The following UGT2B17 variants were observed in gnomAD, a reference collection of about 807,000 sequenced individuals.
UGT2B17 encodes the protein UDP-glucuronosyltransferase 2B17.
In UGT2B17, 21 loss-of-function variants were observed where a neutral mutation model predicts 48.2. That is an observed-to-expected ratio of 0.44 (90% CI 0.31 to 0.63). The LOEUF is 0.63. Ranked by LOEUF, UGT2B17 falls within the 20% of genes least tolerant of loss-of-function variation. The probability of loss-of-function intolerance (pLI) is 0.08; values close to 1 mark genes in which losing one functional copy is unlikely to be tolerated. For synonymous variants in UGT2B17, 146 were observed against 238.4 expected (o/e 0.61, Z 3.57); for missense variants, 402 against 696.1 (o/e 0.58, Z 4.75).
Position 68,540,434 on chromosome 4 carries a change from C to T in UGT2B17, c.1314-2530G>A, listed in dbSNP as rs1246876757. Among the ~76,000 whole-genome samples the T allele has an allele frequency of 2.3e-4, 29 of 126,174 alleles. 7 individuals are homozygous for T. Among genetic ancestry groups the T allele is most frequent in the African/African-American group, 7.6e-4 (28 of 37,050 alleles). 82.8% of individuals were successfully genotyped at this position (126,174 alleles called of 152,430 possible). On this transcript the variant is annotated intron_variant, in intron 6 of 6. Transcript: ENST00000317746. ...CGTCTCCCAGGTTCAAGTGATTCTCCTGCCTCAAACTCCTGAGGAGCTGGG... is the reference window on the plus strand; with the variant it reads ...CGTCTCCCAGGTTCAAGTGATTCTCTTGCCTCAAACTCCTGAGGAGCTGGG...
intron 4 of UGT2B17, among the ~76,000 whole-genome samples, chr4:68,556,476 A>C (rs1731003046): frequency 8.0e-6 from 1 of 125,048 alleles, no homozygotes; most frequent in Non-Finnish European, 1.7e-5. Context: ...GGACTATCAC[A>C]GAAGAGGTGG....
chr4:68,542,995 T>C (rs1730707080), intron 6 of UGT2B17, among the ~76,000 whole-genome samples: 1 of 126,616 alleles, frequency 7.9e-6, no homozygotes, highest in Admixed American at 8.0e-5. Flanking sequence ...TGCCTGCCTC[T>C]GTAGATCCAC....
chr4:68,537,804 T>C lies in UGT2B17; in HGVS notation c.1414A>G (p.Lys472Glu), dbSNP rs1437548006. The part of the protein sequence containing the change: ...VFWIEFVMRH[K>E]GAKHLRVAAH... ...GCGACCCGAAGGTGCTTGGCTCCTT[T>C]ATGGCGCATGACAAACTCAATCCAG... is the stretch of plus-strand genomic sequence containing the variant. The change falls in exon 7 of 7, where the codon AAA becomes GAA. Residue 472 changes from lysine (K) to glutamate (E), a missense_variant. Around this residue, in one of 5 missense-constraint regions of UGT2B17, gnomAD observed 156 missense variants for 258.6 expected, o/e 0.60. Transcript: ENST00000317746. 2 of 1,379,714 alleles carry C rather than the reference T, an allele frequency of 1.4e-6. No individual in the cohort carries two copies. The highest frequency in any genetic ancestry group is 9.5e-7 in the Non-Finnish European group (1 of 1,055,044). The allele number at this position is 1,379,714 out of a possible 1,614,324, so 85.5% of individuals were successfully genotyped here.
intron 1 of UGT2B17, 56 bp from the exon 2 acceptor site, chr4:68,568,604 T>A (rs1731249742): frequency 8.9e-7 from 1 of 1,124,084 alleles, no homozygotes; most frequent in Non-Finnish European, 1.1e-6. Flanking sequence ...GTTGACCTCA[T>A]ATTTATTTTA....
Position 68,539,755 on chromosome 4 carries a change from A to C in UGT2B17, c.1314-1851T>G, listed in dbSNP as rs994523853. Among the ~76,000 whole-genome samples, 3 of 119,068 alleles carry C rather than the reference A, an allele frequency of 2.5e-5. 1 individual carries two copies. Among genetic ancestry groups the C allele is most frequent in the African/African-American group, 8.6e-5 (3 of 34,712 alleles). The allele number at this position is 119,068 out of a possible 152,430, so 78.1% of individuals were successfully genotyped here. On this transcript the variant is annotated intron_variant, in intron 6 of 6. Coordinates refer to ENST00000317746, the MANE Select transcript of UGT2B17 (RefSeq NM_001077.4). ...TTTTTTATGGCCCAGCATATGGTCA[A>C]TTCCAGTAACTATTTCATACATATA...
chr4:68,554,588 TTGTG>T lies in UGT2B17; in HGVS notation c.1006-2681_1006-2678del, dbSNP rs1730969990. On this transcript the variant is annotated intron_variant, in intron 4 of 6. Transcript: ENST00000317746. Reference sequence around the variant, plus strand: ...TCTGAAGTAAAAACCACATAATCTTTTGTGTGTGTGTAAGTGTTTGCATATATTT... The same window carrying T: ...TCTGAAGTAAAAACCACATAATCTTTTGTGTGTAAGTGTTTGCATATATTT... Among the ~76,000 whole-genome samples the T allele has an allele frequency of 1.6e-5, 2 of 125,816 alleles. 1 individual carries two copies. The highest frequency in any genetic ancestry group is 5.4e-5 in the African/African-American group (2 of 36,970). The allele number at this position is 125,816 out of a possible 152,430, so 82.5% of individuals were successfully genotyped here.
intron 6 of UGT2B17, among the ~76,000 whole-genome samples, chr4:68,541,394 A>G (rs1730652840): frequency 7.9e-6 from 1 of 127,032 alleles, no homozygotes. Flanking sequence ...TTCTCTAATG[A>G]TCAGTGATAT....
chr4:68,542,864 C>A (rs554324245), intron 6 of UGT2B17, among the ~76,000 whole-genome samples: 1 of 126,962 alleles, frequency 7.9e-6, no homozygotes, highest in Non-Finnish European at 1.7e-5. Context: ...AGTCTGAGAT[C>A]GAACTGCAAG....
chr4:68,573,769 T>C (rs1731328976), intron 1 of UGT2B17, among the ~76,000 whole-genome samples: 1 of 126,558 alleles, frequency 7.9e-6, no homozygotes, highest in Non-Finnish European at 1.7e-5. Context: ...GCTGATTGAT[T>C]GATAAGCTCT....
intron 1 of UGT2B17, among the ~76,000 whole-genome samples, chr4:68,571,101 A>G (rs6552183): frequency 0.97 from 120,178 of 124,186 alleles, 58,992 homozygotes; most frequent in South Asian, 1. Context: ...GCTTGTAACC[A>G]TATGATTCGG....
At position 68,551,936 on chromosome 4, in the gene UGT2B17, G is replaced by A. The variant is rs1408987834; in HGVS notation, c.1006-25C>T. ...CCTGTTAGGGCAAGGAAAATATCTT[G>A]TTCAATGAATAGAACTCTAAAAATA... On this transcript the variant is annotated intron_variant, in intron 4 of 6. Coordinates refer to ENST00000317746, the MANE Select transcript of UGT2B17 (RefSeq NM_001077.4). 2 of 1,239,276 alleles carry A rather than the reference G, an allele frequency of 1.6e-6. 1 individual carries two copies. The highest frequency in any genetic ancestry group is 3.9e-5 in the South Asian group (2 of 51,492). The allele number at this position is 1,239,276 out of a possible 1,614,324, so 76.8% of individuals were successfully genotyped here. A position where few individuals can be genotyped will look rare whatever the true frequency, so the allele number is the denominator to read the frequency against.
chr4:68,555,546 G>T (rs1730985702), intron 4 of UGT2B17, among the ~76,000 whole-genome samples: 1 of 125,924 alleles, frequency 7.9e-6, no homozygotes, highest in Admixed American at 8.2e-5. Flanking sequence ...GATGGAGTTA[G>T]GTCAGATCTT....
chr4:68,559,263 T>C lies in UGT2B17; in HGVS notation c.1005+1274A>G, dbSNP rs144128506. On this transcript the variant is annotated intron_variant, in intron 4 of 6. Coordinates refer to ENST00000317746, the MANE Select transcript of UGT2B17 (RefSeq NM_001077.4). ...CTGCACATATGGTGAGAAATAATGC[T>C]ACATATGTAGTAAATTCAGACTATT... Among the ~76,000 whole-genome samples, 20 of 126,292 alleles carry C rather than the reference T, an allele frequency of 1.6e-4. 10 individuals are homozygous for C. In the East Asian group the frequency reaches 0.013, roughly 84 times the overall value. 82.9% of individuals were successfully genotyped at this position (126,292 alleles called of 152,430 possible).
chr4:68,575,888 G>A (rs1161719940), intron 1 of UGT2B17, among the ~76,000 whole-genome samples, 63 bp downstream of exon 1: 3 of 126,048 alleles, frequency 2.4e-5, no homozygotes, highest in African/African-American at 2.7e-5. Context: ...CAGGCACACC[G>A]TGGGTGACCA....
At position 68,537,834 on chromosome 4, in the gene UGT2B17, C is replaced by G. The variant is rs778246228; in HGVS notation, c.1384G>C (p.Val462Leu). The change falls in exon 7 of 7, where the codon GTC (valine) becomes CTC (leucine). Residue 462 changes from valine (V) to leucine (L), a missense_variant. Around this residue, in one of 5 missense-constraint regions of UGT2B17, gnomAD observed 156 missense variants for 258.6 expected, o/e 0.60. Coordinates refer to ENST00000317746, the MANE Select transcript of UGT2B17 (RefSeq NM_001077.4). ...CGCATGACAAACTCAATCCAGAAGA[C>G]TGCTCGATCCAGGGGCTTCACCGGT... Reference protein sequence around the residue: ...DQPVKPLDRAVFWIEFVMRHK... With the variant: ...DQPVKPLDRALFWIEFVMRHK... The G allele has an allele frequency of 7.3e-7, 1 of 1,379,246 alleles. No individual in the cohort carries two copies. Among genetic ancestry groups the G allele is most frequent in the Non-Finnish European group, 9.5e-7 (1 of 1,054,816 alleles). The allele number at this position is 1,379,246 out of a possible 1,614,324, so 85.4% of individuals were successfully genotyped here.
chr4:68,565,225 G>T (rs1354632594), intron 3 of UGT2B17, among the ~76,000 whole-genome samples: 1 of 125,858 alleles, frequency 7.9e-6, no homozygotes, highest in African/African-American at 2.7e-5. Flanking sequence ...CGCAGAAACT[G>T]TGCTACCTTT....
chr4:68,540,052 T>C (rs1258832209), intron 6 of UGT2B17, among the ~76,000 whole-genome samples: 1 of 123,808 alleles, frequency 8.1e-6, no homozygotes, highest in Non-Finnish European at 1.7e-5. Context: ...TCCCAAAGTG[T>C]TGGAATTACA....
At position 68,545,390 on chromosome 4, in the gene UGT2B17, C is replaced by T. The variant is rs1307514392; in HGVS notation, c.1313+5287G>A. On this transcript the variant is annotated intron_variant, in intron 6 of 6. Coordinates refer to ENST00000317746, the MANE Select transcript of UGT2B17 (RefSeq NM_001077.4). Reference sequence around the variant, plus strand: ...TTTGAAACCAACGAGAACAAAGACACAACATACCAGAATCTCTGGGACGCA... The same window carrying T: ...TTTGAAACCAACGAGAACAAAGACATAACATACCAGAATCTCTGGGACGCA... Among the ~76,000 whole-genome samples the T allele has an allele frequency of 1.6e-5, 2 of 125,018 alleles. 1 individual carries two copies. The highest frequency in any genetic ancestry group is 3.4e-5 in the Non-Finnish European group (2 of 59,268). The allele number at this position is 125,018 out of a possible 152,430, so 82.0% of individuals were successfully genotyped here.
intron 6 of UGT2B17, among the ~76,000 whole-genome samples, chr4:68,547,673 T>C (rs1578165812): frequency 1.6e-5 from 2 of 125,694 alleles, no homozygotes; most frequent in Admixed American, 8.1e-5. Flanking sequence ...TGCAATCTAC[T>C]CATCTGACAA....
Sources: gnomAD v4.1 joint callset for allele counts (sites outside exome capture counted in the v4.1 genomes callset) on GRCh38, gnomAD v4.1.1 for gene constraint, gnomAD v4.1.1 regional missense constraint, MANE v1.5 for transcripts, NCBI Gene and HGNC (gene_info 2026-07-23, HGNC 2026-07-21) for gene names.